The following NOL4L variants were observed in gnomAD, a reference collection of about 807,000 sequenced individuals.
The protein encoded by NOL4L is nucleolar protein 4-like.
NOL4L carries 7 observed loss-of-function variants against 64.5 expected under a neutral mutation model. That is an observed-to-expected ratio of 0.11 (90% CI 0.06 to 0.20). The LOEUF (loss-of-function observed/expected upper bound fraction) is 0.20, where lower values mean the gene tolerates loss of function less well. Among genes scored for constraint, NOL4L ranks in the 10% least tolerant of loss-of-function variants. The pLI is 1.00. For missense variants in NOL4L, 680 were observed against 967.1 expected (o/e 0.70, Z 3.94); for synonymous variants, 413 against 401.0 (o/e 1.03, Z -0.36).
chr20:32,450,403 G>T (rs2012770521), intron 10 of NOL4L: 1 of 152,280 alleles, frequency 6.6e-6, no homozygotes, highest in African/African-American at 2.4e-5. Context: ...GACAGGGGCT[G>T]CCCCAGGCAA....
intron 5 of NOL4L, 23 bp from the exon 6 acceptor site, chr20:32,456,418 G>C: frequency 6.9e-7 from 1 of 1,449,970 alleles, no homozygotes; most frequent in South Asian, 1.5e-5. Context: ...GCCTGGGTGT[G>C]AGGCCCCACC....
intron 1 of NOL4L, among the ~76,000 whole-genome samples, chr20:32,554,195 C>G (rs1978495127): frequency 6.6e-6 from 1 of 152,030 alleles, no homozygotes; most frequent in African/African-American, 2.4e-5. Context: ...GTGGCAGGTG[C>G]CTGTAGTCCC....
At chr20:32,536,607 G>GCGCGGGCTCCT (rs1315630904) in intron 1 of NOL4L, among the ~76,000 whole-genome samples, 3 of 148,962 alleles carry the variant, frequency 2.0e-5, no homozygotes, top group Non-Finnish European at 4.5e-5. Context: ...GGAGCGGCTC[G>GCGCGGGCTCCT]CGCGGGCTCC....
intron 3 of NOL4L, among the ~76,000 whole-genome samples, chr20:32,518,044 G>A (rs149503218): frequency 6.6e-6 from 1 of 152,116 alleles, no homozygotes; most frequent in Non-Finnish European, 1.5e-5. Context: ...CTGTCCTGCC[G>A]AGGGACACAC....
chr20:32,490,849 C>T (rs537126369), intron 4 of NOL4L, among the ~76,000 whole-genome samples: 26 of 152,322 alleles, frequency 1.7e-4, no homozygotes, highest in Admixed American at 1.4e-3. Context: ...TCCCAGTCAC[C>T]GGCGGAATCG....
At chr20:32,485,080 A>C (rs1600729265) in intron 4 of NOL4L, among the ~76,000 whole-genome samples, 1 of 147,874 alleles carries the variant, frequency 6.8e-6, no homozygotes, top group Non-Finnish European at 1.5e-5. Flanking sequence ...AAAAAAAAAA[A>C]AAAAAAACAA....
chr20:32,465,830 C>T (rs557876742), intron 5 of NOL4L, among the ~76,000 whole-genome samples: 8 of 152,282 alleles, frequency 5.3e-5, no homozygotes, highest in African/African-American at 7.2e-5. Flanking sequence ...AACAGGCTCC[C>T]GGTGGAGGTG....
At chr20:32,498,017 T>TA (rs1209206512) in intron 4 of NOL4L, among the ~76,000 whole-genome samples, 1 of 152,214 alleles carries the variant, frequency 6.6e-6, no homozygotes, top group Non-Finnish European at 1.5e-5. Flanking sequence ...CCCCAGATAA[T>TA]AAAGTTGAAA....
Position 32,452,363 on chromosome 20 carries a change from T to A in NOL4L, c.1695A>T (p.Pro565=). The A allele has an allele frequency of 6.2e-7, 1 of 1,612,600 alleles. No homozygotes were observed. Among genetic ancestry groups the A allele is most frequent in the Non-Finnish European group, 8.5e-7 (1 of 1,179,242 alleles). The change falls in exon 10 of 11, where the codon CCA becomes CCT. Residue 565 remains proline (P), a synonymous_variant. Coordinates refer to ENST00000621426, the MANE Select transcript of NOL4L (RefSeq NM_001256798.2). ...CAGGGTCCTGGGAGTAGGAGGAGGC[T>A]GGCAGTGAGTAGGTGGAGTGGGTGA... The part of the protein sequence containing the change: ...AAITHSTYSL[P]ASSYSQDPVY...
intron 4 of NOL4L, among the ~76,000 whole-genome samples, chr20:32,483,819 G>A (rs1265872014): frequency 7.4e-6 from 1 of 134,794 alleles, no homozygotes; most frequent in Admixed American, 7.2e-5. Flanking sequence ...AAAGGAGGGA[G>A]AGAGGCGCGG....
chr20:32,506,214 G>A (rs557572502), intron 4 of NOL4L, among the ~76,000 whole-genome samples: 1 of 152,138 alleles, frequency 6.6e-6, no homozygotes, highest in East Asian at 1.9e-4. Flanking sequence ...CCTGGGCCTG[G>A]CTTCCAAGGA....
chr20:32,516,983 G>A (rs2017694247), intron 3 of NOL4L, among the ~76,000 whole-genome samples: 1 of 152,246 alleles, frequency 6.6e-6, no homozygotes, highest in Admixed American at 6.5e-5. Context: ...CTGGTCTAAA[G>A]TCACACCCAC....
chr20:32,472,150 C>T (rs886304640), intron 5 of NOL4L, among the ~76,000 whole-genome samples: 6 of 152,218 alleles, frequency 3.9e-5, no homozygotes, highest in Admixed American at 1.3e-4. Flanking sequence ...CCATCAGAGG[C>T]GGAGCTCCAT....
chr20:32,517,764 A>G (rs1600812305), intron 3 of NOL4L, among the ~76,000 whole-genome samples: 1 of 152,308 alleles, frequency 6.6e-6, no homozygotes, highest in East Asian at 1.9e-4. Flanking sequence ...TGGAGGCAGG[A>G]GGCAGGGTGA....
chr20:32,464,437 C>T lies in NOL4L; in HGVS notation c.842-8042G>A, dbSNP rs1055849388. On this transcript the variant is annotated intron_variant, in intron 5 of 10. Coordinates refer to ENST00000621426, the MANE Select transcript of NOL4L (RefSeq NM_001256798.2). This position sits in a 1 kb window ranked among gnomAD's most constrained non-coding sequence, Gnocchi z 5.6. ...CTGCCTGCACAGCTGCCCTCCTGAG[C>T]GCCCAGCTCTGTCCCTGTGGTTCAC... Among the ~76,000 whole-genome samples, 4 of 152,180 alleles carry T rather than the reference C, an allele frequency of 2.6e-5. No individual in the cohort carries two copies. The highest frequency in any genetic ancestry group is 4.4e-5 in the Non-Finnish European group (3 of 68,016).
Position 32,447,751 on chromosome 20 carries a change from A to AGGGGGTGGGCGT in NOL4L, c.1876_1887dup (p.Thr626_Pro629dup). On this transcript the variant is annotated inframe_insertion, in exon 11 of 11. Transcript: ENST00000621426. ...ACGGGCCTGCTGGTGCTGGTGCTGG[A>AGGGGGTGGGCGT]GGGGGTGGGCGTGGGGGTGGTGGAG... 1.2e-6 allele frequency: 1 copy of AGGGGGTGGGCGT among 813,816 alleles called. No homozygotes were observed. The highest frequency in any genetic ancestry group is 1.6e-5 in the South Asian group (1 of 61,640). The allele number at this position is 813,816 out of a possible 1,614,324, so 50.4% of individuals were successfully genotyped here.
At chr20:32,451,244 T>G (rs2012872628) in intron 10 of NOL4L, among the ~76,000 whole-genome samples, 1 of 152,326 alleles carries the variant, frequency 6.6e-6, no homozygotes, top group African/African-American at 2.4e-5. Context: ...CCAAAGCACA[T>G]GGCTTCTGCC....
At chr20:32,579,216 G>A (rs996499817) in intron 1 of NOL4L, among the ~76,000 whole-genome samples, 3 of 152,120 alleles carry the variant, frequency 2.0e-5, no homozygotes, top group East Asian at 1.9e-4. Context: ...CGACAAACAC[G>A]CAGAGGAGCC....
At chr20:32,578,821 CTCACT>C (rs1214878186) in intron 1 of NOL4L, among the ~76,000 whole-genome samples, 1 of 152,254 alleles carries the variant, frequency 6.6e-6, no homozygotes, top group Admixed American at 6.5e-5. Flanking sequence ...CCCTGGCCCC[CTCACT>C]TCAAGTTCAG....
Sources: allele counts gnomAD v4.1 joint callset (sites outside exome capture counted in the v4.1 genomes callset), GRCh38; gene constraint gnomAD v4.1.1; non-coding constraint Gnocchi (gnomAD v3.1); transcripts MANE v1.5; gene names NCBI Gene and HGNC (gene_info 2026-07-23, HGNC 2026-07-21).